PAFAH1B1: variants seen among roughly 807,000 people sequenced by gnomAD.
PAFAH1B1 encodes the protein platelet-activating factor acetylhydrolase IB subunit beta.
In PAFAH1B1, 2 loss-of-function variants were observed where a neutral mutation model predicts 57.5. The observed-to-expected ratio is 0.03, with a 90% confidence interval of 0.01 to 0.11. The LOEUF is 0.11. Ranked by LOEUF, PAFAH1B1 falls within the 10% of genes least tolerant of loss-of-function variation. PAFAH1B1 has a pLI of 1.00. For synonymous variants in PAFAH1B1, 152 were observed against 169.6 expected, an observed-to-expected ratio of 0.90 and a Z score of 0.81; for missense variants, 257 against 512.0, an observed-to-expected ratio of 0.50 and a Z score of 4.81.
intron 1 of PAFAH1B1, among the ~76,000 whole-genome samples, chr17:2,623,147 A>G (rs2068445328): frequency 6.6e-6 from 1 of 152,034 alleles, no homozygotes; most frequent in Non-Finnish European, 1.5e-5. Context: ...GTTCTCTGAC[A>G]TGGACTGGAG....
intron 1 of PAFAH1B1, among the ~76,000 whole-genome samples, chr17:2,634,020 AC>A (rs1427451583): frequency 7.4e-6 from 1 of 134,414 alleles, no homozygotes; most frequent in African/African-American, 2.8e-5. Flanking sequence ...CTTGTTTGTT[AC>A]AGTTTGGTAC....
At chr17:2,627,804 T>C (rs1460697846) in intron 1 of PAFAH1B1, among the ~76,000 whole-genome samples, 1 of 152,230 alleles carries the variant, frequency 6.6e-6, no homozygotes, top group Non-Finnish European at 1.5e-5. Context: ...TTCAACTCCT[T>C]GGTTAGGTAT....
intron 1 of PAFAH1B1, among the ~76,000 whole-genome samples, chr17:2,631,244 A>G (rs1309738516): frequency 6.7e-6 from 1 of 149,540 alleles, no homozygotes; most frequent in Non-Finnish European, 1.5e-5. Context: ...CTCTGTCTCA[A>G]AAAAAAAAAG....
intron 1 of PAFAH1B1, among the ~76,000 whole-genome samples, chr17:2,601,974 G>A (rs1031052786): frequency 6.6e-6 from 1 of 152,128 alleles, no homozygotes; most frequent in African/African-American, 2.4e-5. Context: ...GAAATATTCT[G>A]GTTATCAAAG....
At chr17:2,653,099 G>A (rs1439801303) in intron 2 of PAFAH1B1, among the ~76,000 whole-genome samples, 1 of 152,126 alleles carries the variant, frequency 6.6e-6, no homozygotes, top group Admixed American at 6.6e-5. Context: ...CATAAAAAAG[G>A]ATGAGTTTGT....
At chr17:2,623,383 C>T (rs748784507) in intron 1 of PAFAH1B1, among the ~76,000 whole-genome samples, 2 of 149,904 alleles carry the variant, frequency 1.3e-5, no homozygotes, top group African/African-American at 4.9e-5. Context: ...CTCAGCCTCC[C>T]GAGTAGCTGG....
intron 8 of PAFAH1B1, 93 bp downstream of exon 8, chr17:2,674,381 C>T (rs1285559511): frequency 2.2e-6 from 2 of 899,352 alleles, no homozygotes; most frequent in Non-Finnish European, 3.7e-6. Flanking sequence ...GCTGTTAATG[C>T]ATTTAAAAAT....
chr17:2,650,839 G>A (rs1353565479), intron 2 of PAFAH1B1, among the ~76,000 whole-genome samples: 2 of 152,002 alleles, frequency 1.3e-5, no homozygotes, highest in African/African-American at 4.8e-5. Flanking sequence ...GTTTTGTTGT[G>A]TTTTCTGTTG....
chr17:2,650,989 C>A (rs997590077), intron 2 of PAFAH1B1, among the ~76,000 whole-genome samples: 3 of 152,098 alleles, frequency 2.0e-5, no homozygotes, highest in African/African-American at 7.2e-5. Flanking sequence ...TTTGGGAAGA[C>A]CTTCGCTAAT....
chr17:2,668,252 G>A (rs1293186597), intron 5 of PAFAH1B1, among the ~76,000 whole-genome samples: 2 of 149,592 alleles, frequency 1.3e-5, no homozygotes, highest in African/African-American at 5.1e-5. Context: ...CTTGAACCCA[G>A]GAGACAGGTT....
At chr17:2,661,306 A>G (rs1055706310) in intron 2 of PAFAH1B1, among the ~76,000 whole-genome samples, 1 of 152,176 alleles carries the variant, frequency 6.6e-6, no homozygotes, top group Non-Finnish European at 1.5e-5. Context: ...TTTTACATGT[A>G]AGTCTTTAAT....
At chr17:2,618,796 C>T (rs1317013134) in intron 1 of PAFAH1B1, among the ~76,000 whole-genome samples, 2 of 148,270 alleles carry the variant, frequency 1.3e-5, no homozygotes, top group Non-Finnish European at 3.0e-5. Context: ...TACAGGTACT[C>T]GCTCACTTGG....
At chr17:2,613,748 G>C (rs1448166400) in intron 1 of PAFAH1B1, 2 of 299,392 alleles carry the variant, frequency 6.7e-6, no homozygotes, top group Admixed American at 9.8e-5. Context: ...CCCATCCACA[G>C]AGAGTCCCCC....
At chr17:2,639,161 G>A (rs1255067263) in intron 2 of PAFAH1B1, 1 of 152,184 alleles carries the variant, frequency 6.6e-6, no homozygotes, top group Non-Finnish European at 1.5e-5. Context: ...GCCTCCCAAA[G>A]TGCTGGGATT....
chr17:2,681,662 G>T, intron 10 of PAFAH1B1, 67 bp from the exon 11 acceptor site: 1 of 1,190,680 alleles, frequency 8.4e-7, no homozygotes, highest in Non-Finnish European at 1.2e-6. Flanking sequence ...GTAGAGAGGG[G>T]GTCTCACTAT....
intron 1 of PAFAH1B1, among the ~76,000 whole-genome samples, chr17:2,618,752 AT>A (rs1285227810): frequency 1.3e-5 from 2 of 148,402 alleles, no homozygotes; most frequent in Non-Finnish European, 3.0e-5. Context: ...GGTTCAAGTG[AT>A]TCTCCTGCTT....
chr17:2,632,888 C>T (rs1331897735), intron 1 of PAFAH1B1, among the ~76,000 whole-genome samples: 1 of 152,182 alleles, frequency 6.6e-6, no homozygotes, highest in African/African-American at 2.4e-5. Context: ...CTGAGGTGCA[C>T]ACTGTATTCA....
intron 2 of PAFAH1B1, among the ~76,000 whole-genome samples, chr17:2,656,051 T>C (rs1276115787): frequency 1.3e-5 from 2 of 151,980 alleles, no homozygotes; most frequent in Non-Finnish European, 2.9e-5. Flanking sequence ...GCCTCCCAAG[T>C]GACTGAGACT....
At chr17:2,611,534 TA>T (rs1488162745) in intron 1 of PAFAH1B1, among the ~76,000 whole-genome samples, 3 of 152,106 alleles carry the variant, frequency 2.0e-5, no homozygotes, top group African/African-American at 7.2e-5. Flanking sequence ...AGCTGTGTTT[TA>T]TATTGCTAGA....
Sources: gnomAD v4.1 joint callset for allele counts (sites outside exome capture counted in the v4.1 genomes callset) on GRCh38, gnomAD v4.1.1 for gene constraint, MANE v1.5 for transcripts, NCBI Gene and HGNC (gene_info 2026-07-23, HGNC 2026-07-21) for gene names.